MTCL1: variants seen among roughly 807,000 people sequenced by gnomAD.
The protein encoded by MTCL1 is microtubule crosslinking factor 1, also known as microtubule cross-linking factor 1.
In MTCL1, 79 loss-of-function variants were observed where a neutral mutation model predicts 141.4. The ratio of observed to expected loss-of-function variants is 0.56; its 90% confidence interval spans 0.47 to 0.67. The LOEUF (loss-of-function observed/expected upper bound fraction) is 0.67. Among genes scored for constraint, MTCL1 ranks in the 30% least tolerant of loss-of-function variants. The pLI is 0.00. For missense variants in MTCL1, 2,177 were observed against 2,113.9 expected, an observed-to-expected ratio of 1.03 and a Z score of -0.59; for synonymous variants, 914 against 875.8, an observed-to-expected ratio of 1.04 and a Z score of -0.77.
intron 4 of MTCL1, among the ~76,000 whole-genome samples, chr18:8,745,640 G>A (rs1231048102): frequency 6.6e-6 from 1 of 152,200 alleles, no homozygotes; most frequent in Non-Finnish European, 1.5e-5. Flanking sequence ...CCCACGTGCA[G>A]CAAGTTCTCT....
At chr18:8,809,681 G>T (rs1193792475) in intron 11 of MTCL1, 4 of 1,445,444 alleles carry the variant, frequency 2.8e-6, no homozygotes, top group Non-Finnish European at 3.7e-6. Flanking sequence ...ATGAGACGCC[G>T]TGGAGCAACA....
chr18:8,792,418 G>A (rs2075763463), intron 7 of MTCL1, among the ~76,000 whole-genome samples: 1 of 152,200 alleles, frequency 6.6e-6, no homozygotes, highest in South Asian at 2.1e-4. Context: ...CCGTTGGGAG[G>A]CCTGAAGCCG....
At chr18:8,795,398 T>C (rs1191409597) in intron 8 of MTCL1, among the ~76,000 whole-genome samples, 1 of 152,250 alleles carries the variant, frequency 6.6e-6, no homozygotes, top group African/African-American at 2.4e-5. Flanking sequence ...GATCCCATAG[T>C]ATCACTTTAG....
intron 7 of MTCL1, 178 bp downstream of exon 6, chr18:8,786,269 G>A (rs2096555031): frequency 2.6e-6 from 2 of 770,054 alleles, no homozygotes; most frequent in East Asian, 5.4e-5. Flanking sequence ...AGGCAGGTGT[G>A]CGCAGGTGCC....
intron 1 of MTCL1, among the ~76,000 whole-genome samples, chr18:8,710,457 C>CTTTTT (rs59830434): frequency 7.9e-4 from 96 of 121,648 alleles, no homozygotes; most frequent in African/African-American, 1.4e-3. Context: ...CAGGCACTTT[C>CTTTTT]TTTTTTTTTT....
chr18:8,710,863 GTTTTCTTTTTTCT>G (rs1348996558), intron 1 of MTCL1, among the ~76,000 whole-genome samples: 192 of 48,316 alleles, frequency 4.0e-3, no homozygotes, highest in Non-Finnish European at 6.8e-3. Context: ...TTTTTAATCT[GTTTTCTTTTTTCT>G]TTTTTTTTTT....
intron 4 of MTCL1, among the ~76,000 whole-genome samples, chr18:8,739,261 TAAA>T (rs995341069): frequency 9.2e-5 from 14 of 151,794 alleles, no homozygotes; most frequent in African/African-American, 3.4e-4. Flanking sequence ...AATTAAAAAT[TAAA>T]AAACACCCTG....
chr18:8,774,432 G>A (rs2096497176), intron 4 of MTCL1, among the ~76,000 whole-genome samples: 1 of 150,966 alleles, frequency 6.6e-6, no homozygotes, highest in Admixed American at 6.6e-5. Flanking sequence ...TACAGGTTCT[G>A]CAAATTTCTG....
At chr18:8,789,580 G>A (rs1308068685) in intron 7 of MTCL1, 4 of 985,404 alleles carry the variant, frequency 4.1e-6, no homozygotes, top group East Asian at 1.1e-4. Flanking sequence ...CGGGAGTTCC[G>A]GAACACTGAC....
chr18:8,728,720 CTTTTTTTTTTTTT>C (rs34524200), intron 4 of MTCL1, among the ~76,000 whole-genome samples: 54 of 59,076 alleles, frequency 9.1e-4, no homozygotes, highest in African/African-American at 3.2e-3. Context: ...GTTGTCCATT[CTTTTTTTTTTTTT>C]TTTTTTTTTT....
At chr18:8,831,680 G>A (rs921203959) in exon 17 of MTCL1, 31 of 1,550,190 alleles carry the variant, frequency 2.0e-5, no homozygotes, top group Admixed American at 7.9e-5. Context: ...GCAAACCGTC[G>A]CCCTCCGTCC....
intron 4 of MTCL1, among the ~76,000 whole-genome samples, chr18:8,730,698 G>A (rs1473317238): frequency 6.6e-6 from 1 of 152,166 alleles, no homozygotes; most frequent in Non-Finnish European, 1.5e-5. Flanking sequence ...AGCACTGCAG[G>A]CTCCGGGGGA....
At chr18:8,754,029 C>A (rs892281854) in intron 4 of MTCL1, among the ~76,000 whole-genome samples, 4 of 152,122 alleles carry the variant, frequency 2.6e-5, no homozygotes, top group African/African-American at 9.7e-5. Flanking sequence ...TACAGACTTA[C>A]GTGACAAGCA....
chr18:8,778,657 AG>A (rs1005883646), intron 5 of MTCL1, among the ~76,000 whole-genome samples: 8 of 152,132 alleles, frequency 5.3e-5, no homozygotes, highest in Non-Finnish European at 1.2e-4. Flanking sequence ...GCATCATTCA[AG>A]GGGGGGCAGG....
chr18:8,829,392 TA>T (rs2077126045), intron 16 of MTCL1: 1 of 985,168 alleles, frequency 1.0e-6, no homozygotes, highest in African/African-American at 1.7e-5. Flanking sequence ...GGTGTGACCC[TA>T]ATGTGATAAG....
intron 1 of MTCL1, among the ~76,000 whole-genome samples, chr18:8,708,421 C>G (rs2096069312): frequency 7.0e-6 from 1 of 143,880 alleles, no homozygotes; most frequent in African/African-American, 2.4e-5. Context: ...TTTGCTATTT[C>G]ACTGGATCTT....
intron 4 of MTCL1, among the ~76,000 whole-genome samples, chr18:8,725,883 G>A (rs1458518317): frequency 1.4e-5 from 2 of 141,618 alleles, no homozygotes; most frequent in Non-Finnish European, 3.0e-5. Flanking sequence ...TCTGCCTCCC[G>A]GGTTCACGCC....
At chr18:8,792,760 C>G (rs1016944830) in intron 7 of MTCL1, among the ~76,000 whole-genome samples, 6 of 152,150 alleles carry the variant, frequency 3.9e-5, no homozygotes, top group Non-Finnish European at 8.8e-5. Context: ...CTGCCCACTC[C>G]CCTCCTGGGT....
intron 4 of MTCL1, among the ~76,000 whole-genome samples, chr18:8,724,245 AC>A (rs1314930497): frequency 3.3e-5 from 5 of 152,080 alleles, no homozygotes; most frequent in African/African-American, 1.2e-4. Flanking sequence ...TCCTGTTTCT[AC>A]TAAAAATACA....
Sources: allele counts gnomAD v4.1 joint callset (sites outside exome capture counted in the v4.1 genomes callset), GRCh38; gene constraint gnomAD v4.1.1; transcripts MANE v1.5; gene names NCBI Gene and HGNC (gene_info 2026-07-23, HGNC 2026-07-21).